The following MED13 variants were observed in gnomAD, a reference collection of about 807,000 sequenced individuals.
The protein encoded by MED13 is mediator complex subunit 13.
MED13 carries 23 observed loss-of-function variants against 225.2 expected under a neutral mutation model. The observed-to-expected ratio is 0.10, with a 90% CI of 0.07 to 0.14. The LOEUF is 0.14. MED13 is among the 10% of genes least tolerant of loss of function. The probability of loss-of-function intolerance (pLI) is 1.00; values close to 1 mark genes in which losing one functional copy is unlikely to be tolerated. For missense variants in MED13, 2,197 were observed against 2,594.5 expected (o/e 0.85, Z 3.33); for synonymous variants, 942 against 889.2 (o/e 1.06, Z -1.06).
chr17:61,977,680 C>T (rs1225710624), intron 16 of MED13, among the ~76,000 whole-genome samples: 3 of 152,158 alleles, frequency 2.0e-5, no homozygotes, highest in Admixed American at 6.6e-5. Context: ...CTTGATCTGA[C>T]CTTGTGATCC....
At position 61,946,217 on chromosome 17, in the gene MED13, G is replaced by T; in HGVS notation, c.*251C>A. 3.0e-6 allele frequency: 1 copy of T among 331,510 alleles called. No homozygotes were observed. The highest frequency in any genetic ancestry group is 2.1e-5 in the African/African-American group (1 of 46,884). The allele number at this position is 331,510 out of a possible 1,614,324, so 20.5% of individuals were successfully genotyped here. A position where few individuals can be genotyped will look rare whatever the true frequency, so the allele number is the denominator to read the frequency against. ...AAATACTGTGACTGGAAAAAAAAAAGGTTAATTTTGCTACGAAAATGTTAT... is the reference window on the plus strand; with the variant it reads ...AAATACTGTGACTGGAAAAAAAAAATGTTAATTTTGCTACGAAAATGTTAT... On this transcript the variant is annotated 3_prime_UTR_variant, in exon 30 of 30. Transcript: ENST00000397786.
At chr17:62,026,572 A>G (rs779202549) in intron 8 of MED13, among the ~76,000 whole-genome samples, 8 of 151,994 alleles carry the variant, frequency 5.3e-5, no homozygotes, top group Non-Finnish European at 7.4e-5. Context: ...TCAAAATAGT[A>G]TGGGGAGTCC....
intron 8 of MED13, among the ~76,000 whole-genome samples, chr17:62,013,005 A>G (rs183923898): frequency 2.6e-5 from 4 of 151,790 alleles, no homozygotes; most frequent in Non-Finnish European, 4.4e-5. Flanking sequence ...GTTGGCCAGG[A>G]TAGTCTCGAT....
intron 8 of MED13, among the ~76,000 whole-genome samples, chr17:62,027,961 G>C (rs961572319): frequency 1.3e-5 from 2 of 152,144 alleles, no homozygotes; most frequent in Admixed American, 6.5e-5. Flanking sequence ...CACTGTTGAT[G>C]GAAGTGAAAA....
intron 8 of MED13, among the ~76,000 whole-genome samples, chr17:62,023,452 G>C (rs577571203): frequency 1.3e-5 from 2 of 152,300 alleles, no homozygotes; most frequent in South Asian, 4.1e-4. Context: ...TAGAACCATA[G>C]CAGGATCTGC....
intron 26 of MED13, among the ~76,000 whole-genome samples, chr17:61,954,206 CAAG>C (rs766546966): frequency 2.0e-4 from 31 of 152,092 alleles, no homozygotes; most frequent in Admixed American, 7.2e-4. Flanking sequence ...CACACGAAAA[CAAG>C]AGAGCATAAT....
At chr17:62,044,072 T>TA (rs1418938253) in intron 3 of MED13, among the ~76,000 whole-genome samples, 2 of 152,142 alleles carry the variant, frequency 1.3e-5, no homozygotes, top group African/African-American at 4.8e-5. Flanking sequence ...CTAACGCTAC[T>TA]AATGGTTAAT....
At chr17:61,959,786 T>C (rs1222889662) in intron 23 of MED13, among the ~76,000 whole-genome samples, 1 of 147,816 alleles carries the variant, frequency 6.8e-6, no homozygotes, top group Non-Finnish European at 1.5e-5. Context: ...TAAAGTGCAG[T>C]GGTGCAATCT....
intron 9 of MED13, among the ~76,000 whole-genome samples, chr17:62,007,842 C>T (rs915416247): frequency 3.3e-5 from 5 of 150,562 alleles, no homozygotes; most frequent in Admixed American, 6.6e-5. Context: ...AACGAGACTA[C>T]GTCTCAAAAA....
rs1204251818 is a variant in MED13 at position 61,992,608 on chromosome 17, G to A, written c.2195C>T (p.Thr732Ile). 1 of 1,607,560 alleles carries A rather than the reference G, an allele frequency of 6.2e-7. No individual in the cohort carries two copies. The highest frequency in any genetic ancestry group is 1.1e-5 in the South Asian group (1 of 90,674). The change falls in exon 11 of 30, where the codon ACA (threonine) becomes ATA (isoleucine). Residue 732 changes from threonine to isoleucine, a missense_variant. By Grantham distance (89) the Thr-to-Ile change is moderately conservative. Around this residue, in one of 12 missense-constraint regions of MED13, gnomAD observed 884 missense variants for 918.5 expected, o/e 0.96. Transcript: ENST00000397786. Reference protein sequence around the residue: ...AGKKHKVEDGTSSVTVLSHEE... With the variant: ...AGKKHKVEDGISSVTVLSHEE... Reference sequence around the variant, plus strand: ...ATGTGATAACACTGTTACACTAGATGTCCCATCTTCTACCTGCAAACAAAT... The same window carrying A: ...ATGTGATAACACTGTTACACTAGATATCCCATCTTCTACCTGCAAACAAAT...
chr17:62,037,955 C>CAAAAAAAAAAAAAAAAAAAAAAAA (rs397857634), intron 3 of MED13, among the ~76,000 whole-genome samples: 1 of 64,728 alleles, frequency 1.5e-5, no homozygotes, highest in African/African-American at 4.8e-5. Flanking sequence ...GACTTCATCT[C>CAAAAAAAAAAAAAAAAAAAAAAAA]AAAAAAAAAA....
At chr17:62,058,551 G>C (rs1054729291) in intron 2 of MED13, among the ~76,000 whole-genome samples, 17 of 139,668 alleles carry the variant, frequency 1.2e-4, no homozygotes, top group Non-Finnish European at 1.9e-4. Flanking sequence ...AAGAAAGAAA[G>C]AAAGAAAAAA....
Position 61,992,677 on chromosome 17 carries a change from C to T in MED13, c.2182-56G>A, listed in dbSNP as rs567382070. The T allele has an allele frequency of 4.6e-5, 58 of 1,263,816 alleles. No homozygotes were observed. The African/African-American group carries it at 7.8e-4, about 17-fold the overall frequency. The allele number at this position is 1,263,816 out of a possible 1,614,324, so 78.3% of individuals were successfully genotyped here. A position where few individuals can be genotyped will look rare whatever the true frequency, so the allele number is the denominator to read the frequency against. ...ATATATAATTTACCAACAATAAAAT[C>T]TACCAATTATTGAGGAGCTGTGTGT... On this transcript the variant is annotated intron_variant, in intron 10 of 29. Coordinates refer to ENST00000397786, the MANE Select transcript of MED13 (RefSeq NM_005121.3).
intron 26 of MED13, among the ~76,000 whole-genome samples, chr17:61,954,928 T>C (rs942717143): frequency 2.6e-5 from 4 of 152,246 alleles, no homozygotes; most frequent in African/African-American, 9.6e-5. Flanking sequence ...ACATATTTAT[T>C]TTCTTACAGT....
chr17:61,968,313 T>TTTTATTTATTTA lies in MED13; in HGVS notation c.3968-67_3968-56dup, dbSNP rs56707514. On this transcript the variant is annotated intron_variant, in intron 17 of 29. Transcript: ENST00000397786. ...CACTTAAAAACAAGACATGTCTCCT[T>TTTTATTTATTTA]TTTATTTATTTATTTATTTATTTAT... 3.4e-4 allele frequency: 402 copies of TTTTATTTATTTA among 1,165,404 alleles called. 4 individuals carry two copies. In the East Asian group the frequency reaches 0.012, roughly 35 times the overall value. 72.2% of individuals were successfully genotyped at this position (1,165,404 alleles called of 1,614,324 possible). A position where few individuals can be genotyped will look rare whatever the true frequency, so the allele number is the denominator to read the frequency against.
At chr17:62,045,966 G>A (rs1176131244) in intron 3 of MED13, among the ~76,000 whole-genome samples, 1 of 152,096 alleles carries the variant, frequency 6.6e-6, no homozygotes, top group Non-Finnish European at 1.5e-5. Context: ...AAAGGAAAAA[G>A]AAGATAAAAA....
chr17:62,048,037 C>CATATACATATACATATACATATACATAT (rs1555644417), intron 3 of MED13, among the ~76,000 whole-genome samples: 1 of 121,358 alleles, frequency 8.2e-6, no homozygotes, highest in African/African-American at 3.3e-5. Flanking sequence ...TATACATATA[C>CATATACATATACATATACATATACATAT]ATATACATAT....
rs965611992 is a variant in MED13 at position 61,980,789 on chromosome 17, C to A, written c.3805+1409G>T. On this transcript the variant is annotated intron_variant, in intron 16 of 29. Coordinates refer to ENST00000397786, the MANE Select transcript of MED13 (RefSeq NM_005121.3). ...AGAGTGTCTTGCTCTGTTGCCCAGG[C>A]TGGAGTGCAGTGGCATTATCTCAGC... 2.0e-5 allele frequency among the ~76,000 whole-genome samples: 3 copies of A among 152,116 alleles called. No homozygotes were observed. The East Asian group carries it at 5.8e-4, about 29-fold the overall frequency.
chr17:62,015,460 G>A (rs1404040199), intron 8 of MED13, among the ~76,000 whole-genome samples: 1 of 152,154 alleles, frequency 6.6e-6, no homozygotes, highest in East Asian at 1.9e-4. Flanking sequence ...ATAAGTTGCA[G>A]AAATACAGCA....
Sources: allele counts gnomAD v4.1 joint callset (sites outside exome capture counted in the v4.1 genomes callset), GRCh38; gene constraint gnomAD v4.1.1; regional missense constraint gnomAD v4.1.1; transcripts MANE v1.5; gene names NCBI Gene and HGNC (gene_info 2026-07-23, HGNC 2026-07-21).